The following JARID2 variants were observed in gnomAD, a reference collection of about 807,000 sequenced individuals.
The protein encoded by JARID2 is protein Jumonji.
In JARID2, 21 loss-of-function variants were observed where a neutral mutation model predicts 125.6. That is an observed-to-expected ratio of 0.17 (90% confidence interval 0.12 to 0.24). The LOEUF (loss-of-function observed/expected upper bound fraction) is 0.24, where lower values mean the gene tolerates loss of function less well. Among genes scored for constraint, JARID2 ranks in the 10% least tolerant of loss-of-function variants. JARID2 has a pLI of 1.00. For synonymous variants in JARID2, 736 were observed against 661.6 expected, an observed-to-expected ratio of 1.11 and a Z score of -1.73; for missense variants, 1,303 against 1,639.6, an observed-to-expected ratio of 0.79 and a Z score of 3.55.
chr6:15,376,454 G>A (rs1372757938), intron 2 of JARID2, among the ~76,000 whole-genome samples: 1 of 152,164 alleles, frequency 6.6e-6, no homozygotes, highest in Non-Finnish European at 1.5e-5. Flanking sequence ...GGTGGTTCAT[G>A]CCTGTAATCC....
chr6:15,397,824 T>G (rs116187209), intron 2 of JARID2, among the ~76,000 whole-genome samples: 85 of 152,298 alleles, frequency 5.6e-4, no homozygotes, highest in African/African-American at 2.0e-3. Context: ...CTCTAGTGCA[T>G]GATTTCCAGG....
chr6:15,496,099 T>G lies in JARID2; in HGVS notation c.907-33T>G, dbSNP rs1223205199. ...TTTAGTGGCAGGTACTAATTCTGCGTTTTTTTCCACCTCTGCTTCTGCTGC... is the reference window on the plus strand; with the variant it reads ...TTTAGTGGCAGGTACTAATTCTGCGGTTTTTTCCACCTCTGCTTCTGCTGC... On this transcript the variant is annotated intron_variant, in intron 6 of 17. Transcript: ENST00000341776. The G allele has an allele frequency of 1.9e-6, 3 of 1,562,592 alleles. No individual in the cohort carries two copies. The South Asian group carries it at 3.6e-5, about 19-fold the overall frequency.
chr6:15,393,725 T>A (rs2127544822), intron 2 of JARID2, among the ~76,000 whole-genome samples: 1 of 152,324 alleles, frequency 6.6e-6, no homozygotes, highest in East Asian at 1.9e-4. Context: ...TAACAGTGAT[T>A]ACTGGTATAT....
chr6:15,362,864 GAGAC>G (rs1362849541), intron 1 of JARID2, among the ~76,000 whole-genome samples: 1 of 152,180 alleles, frequency 6.6e-6, no homozygotes, highest in South Asian at 2.1e-4. Flanking sequence ...AAGGAATTGA[GAGAC>G]AGACAGGATT....
chr6:15,454,865 T>C (rs542918671), intron 4 of JARID2, among the ~76,000 whole-genome samples: 2 of 152,288 alleles, frequency 1.3e-5, no homozygotes, highest in South Asian at 2.1e-4. Context: ...GAGAACTAAA[T>C]ATGACAGAAT....
intron 12 of JARID2, among the ~76,000 whole-genome samples, chr6:15,509,876 A>AG (rs899315066): frequency 6.6e-6 from 1 of 152,250 alleles, no homozygotes; most frequent in African/African-American, 2.4e-5. Flanking sequence ...AAGAAAAGGC[A>AG]GGGATAGGAT....
At position 15,297,911 on chromosome 6, in the gene JARID2, GA is replaced by G. The variant is rs772820987; in HGVS notation, c.45+51332del. On this transcript the variant is annotated intron_variant, in intron 1 of 17. Transcript: ENST00000341776. ...TGTAGTACAGAAAATTTAGGAAGTG[GA>G]AAAAGAAAAAAAAAAAGACTGGGAA... is the stretch of plus-strand genomic sequence containing the variant. Among the ~76,000 whole-genome samples, 449 of 114,484 alleles carry G rather than the reference GA, an allele frequency of 3.9e-3. 3 individuals carry two copies. The highest frequency in any genetic ancestry group is 0.014 in the South Asian group (51 of 3,524). 75.1% of individuals were successfully genotyped at this position (114,484 alleles called of 152,430 possible).
intron 1 of JARID2, among the ~76,000 whole-genome samples, chr6:15,300,477 T>C (rs957070574): frequency 6.6e-6 from 1 of 152,158 alleles, no homozygotes; most frequent in African/African-American, 2.4e-5. Context: ...CTGTGCTTGT[T>C]GTGAGCTCAT....
At chr6:15,396,219 T>A (rs1310944059) in intron 2 of JARID2, among the ~76,000 whole-genome samples, 1 of 152,350 alleles carries the variant, frequency 6.6e-6, no homozygotes, top group East Asian at 1.9e-4. Context: ...CAACAATATA[T>A]ATTGAACCAA....
chr6:15,250,931 T>C (rs1759423618), intron 1 of JARID2, among the ~76,000 whole-genome samples: 4 of 152,220 alleles, frequency 2.6e-5, no homozygotes, highest in Admixed American at 2.6e-4. Context: ...ACTTTTTTTT[T>C]TTTTTCAGAG....
rs1347371835 is a variant in JARID2, at chr6:15,521,965, T to C, written c.*1714T>C. On this transcript the variant is annotated 3_prime_UTR_variant, in exon 18 of 18. Coordinates refer to ENST00000341776, the MANE Select transcript of JARID2 (RefSeq NM_004973.4). ...CTTCATGTGGTTTATTGCGAGTTTT[T>C]TGTTTACTTTTCAGGTTTGTACTAC... 2 of 152,028 alleles carry C rather than the reference T, an allele frequency of 1.3e-5. No individual in the cohort carries two copies. The highest frequency in any genetic ancestry group is 2.9e-5 in the Non-Finnish European group (2 of 67,882). The allele number at this position is 152,028 out of a possible 1,614,324, so 9.4% of individuals were successfully genotyped here.
intron 3 of JARID2, among the ~76,000 whole-genome samples, chr6:15,424,617 G>C (rs953472978): frequency 1.3e-5 from 2 of 152,214 alleles, no homozygotes; most frequent in African/African-American, 4.8e-5. Flanking sequence ...CAGCACTTTG[G>C]GGGGCTGAGT....
intron 3 of JARID2, among the ~76,000 whole-genome samples, chr6:15,418,579 T>C (rs1016449708): frequency 2.6e-5 from 4 of 152,216 alleles, no homozygotes; most frequent in African/African-American, 9.6e-5. Flanking sequence ...TAAAAACTCT[T>C]AAGAGTTTCT....
chr6:15,295,496 C>A (rs1011060720), intron 1 of JARID2, among the ~76,000 whole-genome samples: 7 of 151,966 alleles, frequency 4.6e-5, no homozygotes, highest in Admixed American at 1.3e-4. Flanking sequence ...GCCATTTCAA[C>A]GGAAAACAGT....
chr6:15,451,359 G>A (rs1435799556), intron 3 of JARID2, among the ~76,000 whole-genome samples: 1 of 152,222 alleles, frequency 6.6e-6, no homozygotes, highest in Non-Finnish European at 1.5e-5. Context: ...CTACCAAATA[G>A]TTGCAATTTG....
intron 2 of JARID2, among the ~76,000 whole-genome samples, chr6:15,377,715 G>T (rs1764411852): frequency 6.6e-6 from 1 of 151,390 alleles, no homozygotes; most frequent in African/African-American, 2.4e-5. Context: ...TTTATCTTTA[G>T]TAGGGATGGG....
rs114136146 is a variant in JARID2, at chr6:15,412,959, C to T, written c.323+2594C>T. On this transcript the variant is annotated intron_variant, in intron 3 of 17. Transcript: ENST00000341776. ...AAACAGATGCTGGTTTTTTTACTTGCGAGTTTTAAATTTCTGAAACATTAT... is the reference window on the plus strand; with the variant it reads ...AAACAGATGCTGGTTTTTTTACTTGTGAGTTTTAAATTTCTGAAACATTAT... Among the ~76,000 whole-genome samples the T allele has an allele frequency of 8.0e-3, 1,084 of 134,700 alleles. 14 individuals carry two copies. The highest frequency in any genetic ancestry group is 0.029 in the African/African-American group (1,027 of 35,768). 88.4% of individuals were successfully genotyped at this position (134,700 alleles called of 152,430 possible). A position where few individuals can be genotyped will look rare whatever the true frequency, so the allele number is the denominator to read the frequency against.
intron 1 of JARID2, among the ~76,000 whole-genome samples, chr6:15,268,006 A>G (rs1760154415): frequency 6.6e-6 from 1 of 152,196 alleles, no homozygotes; most frequent in African/African-American, 2.4e-5. Flanking sequence ...CCCACACCCC[A>G]GAACAGGGGA....
intron 4 of JARID2, among the ~76,000 whole-genome samples, chr6:15,455,079 C>T (rs1230498301): frequency 4.0e-5 from 6 of 151,754 alleles, no homozygotes; most frequent in African/African-American, 1.4e-4. Context: ...GTCTATAGTC[C>T]ATCTCTGTGG....
Sources: allele counts gnomAD v4.1 joint callset (sites outside exome capture counted in the v4.1 genomes callset), GRCh38; gene constraint gnomAD v4.1.1; transcripts MANE v1.5; gene names NCBI Gene and HGNC (gene_info 2026-07-23, HGNC 2026-07-21).